Variants in RALGAPA1 observed in about 807,000 individuals in gnomAD.
RALGAPA1 encodes the protein Ral GTPase activating protein catalytic subunit alpha 1.
Under a neutral mutation model 269.6 loss-of-function variants are expected in RALGAPA1, and 52 were observed. The ratio of observed to expected loss-of-function variants is 0.19; its 90% CI spans 0.15 to 0.24. The LOEUF is 0.24. RALGAPA1 is among the 10% of genes least tolerant of loss of function. The pLI is 1.00. For synonymous variants in RALGAPA1, 817 were observed against 1,008.3 expected (o/e 0.81, Z 3.60); for missense variants, 1,917 against 3,013.9 (o/e 0.64, Z 8.52).
At chr14:35,599,009 T>C (rs2059105672) in intron 36 of RALGAPA1, among the ~76,000 whole-genome samples, 1 of 152,236 alleles carries the variant, frequency 6.6e-6, no homozygotes, top group Non-Finnish European at 1.5e-5. Context: ...TTGTAGTGGT[T>C]GCTCTATGTC....
In RALGAPA1 at chr14:35,688,756, C is replaced by T. The variant is rs1377498691; in HGVS notation, c.3655G>A (p.Gly1219Ser). ...GTTTTGCTGCTTACTGATGCAGTAC[C>T]AAGTGTATCTAGAGGTCTGTACACA... Reference protein sequence around the residue: ...PGVYRPLDTLGTASVSSKTVK... With the variant: ...PGVYRPLDTLSTASVSSKTVK... Residue 1219 changes from glycine to serine, a missense_variant, in exon 18 of 42, where the codon GGT becomes AGT. Gly to Ser is a moderately conservative substitution (Grantham distance 56, BLOSUM62 0). Around this residue, in one of 11 missense-constraint regions of RALGAPA1, gnomAD observed 615 missense variants for 790.0 expected, o/e 0.78. Coordinates refer to ENST00000680220, the MANE Select transcript of RALGAPA1 (RefSeq NM_001346249.2). 2.1e-6 allele frequency: 3 copies of T among 1,457,406 alleles called. No homozygotes were observed. The highest frequency in any genetic ancestry group is 2.7e-6 in the Non-Finnish European group (3 of 1,112,176). 90.3% of individuals were successfully genotyped at this position (1,457,406 alleles called of 1,614,324 possible).
At chr14:35,708,669 C>G (rs369474021) in intron 16 of RALGAPA1, among the ~76,000 whole-genome samples, 13 of 152,284 alleles carry the variant, frequency 8.5e-5, no homozygotes, top group Non-Finnish European at 1.6e-4. Context: ...GTTAGTACAA[C>G]CACTATGGAG....
chr14:35,700,216 A>C lies in RALGAPA1; in HGVS notation c.2353T>G (p.Ser785Ala). Residue 785 changes from serine (S) to alanine (A), a missense_variant, in exon 17 of 42, where the codon TCC (serine) becomes GCC (alanine). Physicochemically the swap from Ser to Ala is moderately conservative, Grantham distance 99 (BLOSUM62 1). Coordinates refer to ENST00000680220, the MANE Select transcript of RALGAPA1 (RefSeq NM_001346249.2). ...ACAATATCAGGCAAGAAGGGTTTGGAAGTATGGATCAGAACAGGAGCACTT... is the reference window on the plus strand; with the variant it reads ...ACAATATCAGGCAAGAAGGGTTTGGCAGTATGGATCAGAACAGGAGCACTT... ...AKSAPVLIHT[S>A]KPFLPDIVLT... 6.5e-7 allele frequency: 1 copy of C among 1,535,978 alleles called. No homozygotes were observed. The highest frequency in any genetic ancestry group is 8.7e-7 in the Non-Finnish European group (1 of 1,146,804).
At position 35,688,654 on chromosome 14, in the gene RALGAPA1, T is replaced by G. The variant is rs1252672025; in HGVS notation, c.3757A>C (p.Ser1253Arg). The G allele has an allele frequency of 6.6e-7, 1 of 1,515,096 alleles. No homozygotes were observed. The highest frequency in any genetic ancestry group is 8.8e-7 in the Non-Finnish European group (1 of 1,138,748). 93.9% of individuals were successfully genotyped at this position (1,515,096 alleles called of 1,614,324 possible). A position where few individuals can be genotyped will look rare whatever the true frequency, so the allele number is the denominator to read the frequency against. The part of the protein sequence containing the change: ...GIASSQLGSR[S>R]TLRSSSHEAG... Reference sequence around the variant, plus strand: ...TCATGACTTGATGACCTAAGAGTACTACGACTACCTAATTGACTACTTGCA... The same window carrying G: ...TCATGACTTGATGACCTAAGAGTACGACGACTACCTAATTGACTACTTGCA... Residue 1253 changes from serine to arginine, a missense_variant, in exon 18 of 42, where the codon AGT (serine) becomes CGT (arginine). By Grantham distance (110) the Ser-to-Arg change is moderately radical. This residue lies in a region of RALGAPA1 where 615 missense variants were observed against 790.0 expected (regional missense o/e 0.78). Transcript: ENST00000680220.
chr14:35,570,463 C>G (rs548055100), intron 39 of RALGAPA1, among the ~76,000 whole-genome samples, 154 bp downstream of exon 39: 1 of 152,016 alleles, frequency 6.6e-6, no homozygotes, highest in South Asian at 2.1e-4. Context: ...GAGTTTGAGA[C>G]AATCCCGGGA....
intron 31 of RALGAPA1, among the ~76,000 whole-genome samples, chr14:35,636,034 G>T (rs1412501206): frequency 6.6e-6 from 1 of 151,878 alleles, no homozygotes; most frequent in Non-Finnish European, 1.5e-5. Context: ...TTTTGAAATT[G>T]TTACTCATTT....
chr14:35,673,048 G>A, intron 24 of RALGAPA1, 26 bp from the exon 25 acceptor site: 1 of 1,387,600 alleles, frequency 7.2e-7, no homozygotes, highest in South Asian at 1.7e-5. Flanking sequence ...CAGTTTTAAT[G>A]TTCAAAAAGA....
intron 35 of RALGAPA1, among the ~76,000 whole-genome samples, chr14:35,618,729 T>A (rs1371714043): frequency 6.6e-6 from 1 of 151,938 alleles, no homozygotes; most frequent in African/African-American, 2.4e-5. Context: ...TTAAAATCAA[T>A]AAGAGAATTC....
chr14:35,733,617 A>C (rs1362425247), intron 12 of RALGAPA1, among the ~76,000 whole-genome samples: 2 of 152,202 alleles, frequency 1.3e-5, no homozygotes, highest in African/African-American at 2.4e-5. Flanking sequence ...TACATCAAAA[A>C]GACTGAAACA....
intron 39 of RALGAPA1, among the ~76,000 whole-genome samples, chr14:35,561,832 A>T (rs2056288211): frequency 6.6e-6 from 1 of 152,066 alleles, no homozygotes; most frequent in African/African-American, 2.4e-5. Flanking sequence ...GGCTGGCTGA[A>T]TACAGGAGAT....
intron 2 of RALGAPA1, 134 bp downstream of exon 2, chr14:35,775,501 T>C (rs1180463376): frequency 9.6e-7 from 1 of 1,042,572 alleles, no homozygotes. Context: ...AGACCTATGA[T>C]AGTAGTGTGA....
chr14:35,746,486 G>A (rs1285301889), intron 10 of RALGAPA1, among the ~76,000 whole-genome samples: 1 of 152,114 alleles, frequency 6.6e-6, no homozygotes, highest in East Asian at 1.9e-4. Flanking sequence ...CATCCGCAAT[G>A]TACAGGTATA....
chr14:35,560,860 C>T (rs1362283793), intron 39 of RALGAPA1, among the ~76,000 whole-genome samples: 1 of 152,162 alleles, frequency 6.6e-6, no homozygotes, highest in Non-Finnish European at 1.5e-5. Flanking sequence ...CAGAGATTCA[C>T]ATTTATTGCT....
At position 35,664,129 on chromosome 14, in the gene RALGAPA1, C is replaced by T. The variant is rs552669753; in HGVS notation, c.5328+513G>A. 6.6e-5 allele frequency among the ~76,000 whole-genome samples: 10 copies of T among 152,252 alleles called. No individual in the cohort carries two copies. In the South Asian group the frequency reaches 2.1e-3, roughly 32 times the overall value. On this transcript the variant is annotated intron_variant, in intron 27 of 41. Coordinates refer to ENST00000680220, the MANE Select transcript of RALGAPA1 (RefSeq NM_001346249.2). ...GGATTAATATCTGTGGTAAGTTCCA[C>T]TGGCAACTGTATAGTCACATTTATT... is the stretch of plus-strand genomic sequence containing the variant.
In RALGAPA1 at chr14:35,689,907, T is replaced by C; in HGVS notation, c.2504A>G (p.Glu835Gly). 1 of 1,604,086 alleles carries C rather than the reference T, an allele frequency of 6.2e-7. No individual in the cohort carries two copies. Among genetic ancestry groups the C allele is most frequent in the Non-Finnish European group, 8.5e-7 (1 of 1,176,768 alleles). ...GCTACTTCGAGGCAATGGCTGCTCCTCATTCAAAGCACCAAAAACTTCATT... is the reference window on the plus strand; with the variant it reads ...GCTACTTCGAGGCAATGGCTGCTCCCCATTCAAAGCACCAAAAACTTCATT... ...TGNEVFGALN[E>G]EQPLPRSSST... Residue 835 changes from glutamate (E) to glycine (G), a missense_variant, in exon 18 of 42, where the codon GAG becomes GGG. Coordinates refer to ENST00000680220, the MANE Select transcript of RALGAPA1 (RefSeq NM_001346249.2).
chr14:35,581,021 T>C (rs1206402459), intron 37 of RALGAPA1, among the ~76,000 whole-genome samples: 3 of 152,126 alleles, frequency 2.0e-5, no homozygotes, highest in African/African-American at 7.2e-5. Context: ...TGATATCCAA[T>C]TGTTCATTTA....
chr14:35,747,043 T>G (rs1212466915), intron 10 of RALGAPA1, among the ~76,000 whole-genome samples: 1 of 149,912 alleles, frequency 6.7e-6, no homozygotes, highest in Non-Finnish European at 1.5e-5. Context: ...CCAGGCACAG[T>G]GGCTCATGTC....
chr14:35,633,614 A>G (rs2139710970), intron 33 of RALGAPA1, among the ~76,000 whole-genome samples: 1 of 152,304 alleles, frequency 6.6e-6, no homozygotes, highest in African/African-American at 2.4e-5. Context: ...AACCATAATG[A>G]CAATATGGAT....
At chr14:35,704,180 C>T (rs549380537) in intron 16 of RALGAPA1, among the ~76,000 whole-genome samples, 32 of 152,124 alleles carry the variant, frequency 2.1e-4, no homozygotes, top group African/African-American at 7.2e-4. Flanking sequence ...AAGCAAAATC[C>T]GAAAACAAAA....
Sources: gnomAD v4.1 joint callset for allele counts (sites outside exome capture counted in the v4.1 genomes callset) on GRCh38, gnomAD v4.1.1 for gene constraint, gnomAD v4.1.1 regional missense constraint, MANE v1.5 for transcripts, NCBI Gene and HGNC (gene_info 2026-07-23, HGNC 2026-07-21) for gene names.